The following ABRAXAS1 variants were observed in gnomAD, a reference collection of about 807,000 sequenced individuals.
ABRAXAS1 encodes BRCA1-A complex subunit Abraxas 1.
A neutral mutation model predicts 38.4 loss-of-function variants in ABRAXAS1; 26 were observed. The observed-to-expected ratio is 0.68, with a 90% CI of 0.50 to 0.94. The LOEUF is 0.94. ABRAXAS1 is among the 40% of genes least tolerant of loss of function. ABRAXAS1 has a pLI of 0.00. For missense variants in ABRAXAS1, 438 were observed against 481.9 expected (o/e 0.91, Z 0.85); for synonymous variants, 144 against 165.5 (o/e 0.87, Z 1.00).
Position 83,463,259 on chromosome 4 carries a change from G to C in ABRAXAS1, c.796+235C>G, listed in dbSNP as rs11099602. 0.36 allele frequency among the ~76,000 whole-genome samples: 54,373 copies of C among 151,766 alleles called. 11,340 individuals are homozygous for C. The highest frequency in any genetic ancestry group is 0.67 in the East Asian group (3,428 of 5,146). ...AGCCTGGCCAACATGGTGAAACCCT[G>C]TCTCTATTAAAAATACAAAAAAAAT... On this transcript the variant is annotated intron_variant, in intron 8 of 8. Coordinates refer to ENST00000321945, the MANE Select transcript of ABRAXAS1 (RefSeq NM_139076.3).
rs1722072517 is a variant in ABRAXAS1, at chr4:83,460,880, T to C, written c.*1589A>G. On this transcript the variant is annotated 3_prime_UTR_variant, in exon 9 of 9. Transcript: ENST00000321945. ...GAGAGAGCACCACTGTACTCCAGCC[T>C]GGGTGACACAGGGAGACTCCATCTC... 1.0e-5 allele frequency: 11 copies of C among 1,065,424 alleles called. No individual in the cohort carries two copies. Among genetic ancestry groups the C allele is most frequent in the Non-Finnish European group, 1.5e-5 (11 of 714,658 alleles). 66.0% of individuals were successfully genotyped at this position (1,065,424 alleles called of 1,614,324 possible). A position where few individuals can be genotyped will look rare whatever the true frequency, so the allele number is the denominator to read the frequency against.
intron 6 of ABRAXAS1, among the ~76,000 whole-genome samples, chr4:83,468,338 G>C (rs1722454260): frequency 6.7e-6 from 1 of 149,546 alleles, no homozygotes; most frequent in Non-Finnish European, 1.5e-5. Context: ...AGGAAAATGT[G>C]CACCTCAGAA....
At chr4:83,480,407 T>TAC (rs200768949) in intron 2 of ABRAXAS1, 3,937 of 387,392 alleles carry the variant, frequency 0.01, 142 homozygotes, top group African/African-American at 0.079. Flanking sequence ...CACATATATA[T>TAC]ACACACACAC....
At chr4:83,478,240 G>A (rs1335517783) in intron 2 of ABRAXAS1, 12 of 682,010 alleles carry the variant, frequency 1.8e-5, no homozygotes, top group Non-Finnish European at 2.8e-5. Context: ...CTCACGTGAT[G>A]AACCAGAGGG....
intron 3 of ABRAXAS1, among the ~76,000 whole-genome samples, 198 bp from the exon 4 acceptor site, chr4:83,472,486 A>T (rs1722617829): frequency 6.6e-6 from 1 of 152,226 alleles, no homozygotes; most frequent in South Asian, 2.1e-4. Flanking sequence ...TAAAGTCCAT[A>T]AAGCAATGAA....
Position 83,482,307 on chromosome 4 carries a change from C to A in ABRAXAS1, c.88-63G>T, listed in dbSNP as rs373460015. The A allele has an allele frequency of 2.9e-6, 3 of 1,029,188 alleles. No homozygotes were observed. The East Asian group carries it at 7.3e-5, about 25-fold the overall frequency. 63.8% of individuals were successfully genotyped at this position (1,029,188 alleles called of 1,614,324 possible). On this transcript the variant is annotated intron_variant, in intron 1 of 8. Coordinates refer to ENST00000321945, the MANE Select transcript of ABRAXAS1 (RefSeq NM_139076.3). ...TAGAATTACTGTTCACTTAACTAAC[C>A]GTATTTCCTGAGTATTTTACTATGT...
At position 83,461,697 on chromosome 4, in the gene ABRAXAS1, C is replaced by G. The variant is rs184898857; in HGVS notation, c.*772G>C. 3.2e-4 allele frequency: 79 copies of G among 245,024 alleles called. 2 individuals carry two copies. Among genetic ancestry groups the G allele is most frequent in the Admixed American group, 3.0e-3 (62 of 20,464 alleles). 15.2% of individuals were successfully genotyped at this position (245,024 alleles called of 1,614,324 possible). A position where few individuals can be genotyped will look rare whatever the true frequency, so the allele number is the denominator to read the frequency against. On this transcript the variant is annotated 3_prime_UTR_variant, in exon 9 of 9. Coordinates refer to ENST00000321945, the MANE Select transcript of ABRAXAS1 (RefSeq NM_139076.3). ...GATAGACATACATGTATATATGTATCAGTTCTGAGTTCCACTGGCCTATCC... is the reference window on the plus strand; with the variant it reads ...GATAGACATACATGTATATATGTATGAGTTCTGAGTTCCACTGGCCTATCC...
At position 83,460,917 on chromosome 4, in the gene ABRAXAS1, T is replaced by C. The variant is rs1013116288; in HGVS notation, c.*1552A>G. 4.0e-6 allele frequency: 6 copies of C among 1,493,284 alleles called. No individual in the cohort carries two copies. The highest frequency in any genetic ancestry group is 4.1e-5 in the Admixed American group (2 of 49,236). 92.5% of individuals were successfully genotyped at this position (1,493,284 alleles called of 1,614,324 possible). On this transcript the variant is annotated 3_prime_UTR_variant, in exon 9 of 9. Coordinates refer to ENST00000321945, the MANE Select transcript of ABRAXAS1 (RefSeq NM_139076.3). ...GGAGACTCCATCTCAAAAAAAAAAA[T>C]TGCAAACTTTAAATATTGACATTTT... is the stretch of plus-strand genomic sequence containing the variant.
rs1424870695 is a variant in ABRAXAS1, at chr4:83,460,503, G to A, written c.*1966C>T. 2.5e-5 allele frequency: 4 copies of A among 160,214 alleles called. No individual in the cohort carries two copies. The highest frequency in any genetic ancestry group is 3.8e-4 in the East Asian group (2 of 5,312). 9.9% of individuals were successfully genotyped at this position (160,214 alleles called of 1,614,324 possible). ...TACGTAGTGCCATATGGTTGTTTTC[G>A]AGCTACAACAGCAGAGTTGAGTGGC... On this transcript the variant is annotated 3_prime_UTR_variant, in exon 9 of 9. Coordinates refer to ENST00000321945, the MANE Select transcript of ABRAXAS1 (RefSeq NM_139076.3).
chr4:83,470,510 T>C (rs1273689335), intron 4 of ABRAXAS1, 114 bp from the exon 5 acceptor site: 1 of 716,758 alleles, frequency 1.4e-6, no homozygotes, highest in Non-Finnish European at 2.2e-6. Context: ...TTTAGAAAGA[T>C]TTGGGGCATA....
intron 7 of ABRAXAS1, 88 bp downstream of exon 7, chr4:83,467,366 G>A (rs1722405434): frequency 2.6e-6 from 2 of 777,976 alleles, no homozygotes; most frequent in South Asian, 3.0e-5. Context: ...ATCTAATCAA[G>A]ATGTCAGGTT....
chr4:83,465,017 C>T (rs554963246), intron 7 of ABRAXAS1, among the ~76,000 whole-genome samples: 8 of 152,120 alleles, frequency 5.3e-5, no homozygotes, highest in East Asian at 3.9e-4. Context: ...ATAAAGAGGC[C>T]GGGCAAGGTG....
intron 2 of ABRAXAS1, chr4:83,479,413 A>AG (rs1201063573): frequency 1.3e-5 from 2 of 151,574 alleles, no homozygotes; most frequent in African/African-American, 4.9e-5. Context: ...CAAAAAAAAA[A>AG]AAAAAAAAAG....
At chr4:83,465,495 G>T (rs1722321615) in intron 7 of ABRAXAS1, among the ~76,000 whole-genome samples, 1 of 151,730 alleles carries the variant, frequency 6.6e-6, no homozygotes, top group Non-Finnish European at 1.5e-5. Context: ...TGTTAAAATG[G>T]TGAGATTCCA....
In ABRAXAS1 at chr4:83,459,835, A is replaced by G; in HGVS notation, c.*2634T>C. 1 of 1,476,970 alleles carries G rather than the reference A, an allele frequency of 6.8e-7. No individual in the cohort carries two copies. Among genetic ancestry groups the G allele is most frequent in the Middle Eastern group, 1.7e-4 (1 of 5,754 alleles). 91.5% of individuals were successfully genotyped at this position (1,476,970 alleles called of 1,614,324 possible). A position where few individuals can be genotyped will look rare whatever the true frequency, so the allele number is the denominator to read the frequency against. ...TTATTATGGGAATATAAATGTAGAT[A>G]CGAATTATATCAATCTATTTCTATC... On this transcript the variant is annotated 3_prime_UTR_variant, in exon 9 of 9. Coordinates refer to ENST00000321945, the MANE Select transcript of ABRAXAS1 (RefSeq NM_139076.3).
intron 2 of ABRAXAS1, chr4:83,477,788 CA>C: frequency 1.3e-6 from 1 of 750,572 alleles, no homozygotes; most frequent in Non-Finnish European, 2.4e-6. Flanking sequence ...TTTGCAAAGA[CA>C]AGCATCATAT....
intron 7 of ABRAXAS1, among the ~76,000 whole-genome samples, chr4:83,466,334 A>G (rs1363984833): frequency 6.6e-6 from 1 of 152,152 alleles, no homozygotes; most frequent in East Asian, 1.9e-4. Flanking sequence ...CTAGTTCTAA[A>G]AGGACCTGAA....
chr4:83,483,969 G>A, intron 1 of ABRAXAS1: 1 of 944,510 alleles, frequency 1.1e-6, no homozygotes, highest in Non-Finnish European at 1.3e-6. Flanking sequence ...AAGGTTATCT[G>A]AAATTGTATA....
intron 4 of ABRAXAS1, among the ~76,000 whole-genome samples, chr4:83,471,365 G>A (rs6829615): frequency 0.13 from 19,032 of 151,042 alleles, 3,917 homozygotes; most frequent in African/African-American, 0.44. Flanking sequence ...CACTACGCCC[G>A]GCTTTTTTTT....
Sources: allele counts gnomAD v4.1 joint callset (sites outside exome capture counted in the v4.1 genomes callset), GRCh38; gene constraint gnomAD v4.1.1; transcripts MANE v1.5; gene names NCBI Gene and HGNC (gene_info 2026-07-23, HGNC 2026-07-21).